The following SLC71A2 variants were observed in gnomAD, a reference collection of about 807,000 sequenced individuals.
SLC71A2 encodes the protein solute carrier family 71 member 2, also known as hippocampus abundant transcript-like 1.
the SLC71A2 span, among the ~76,000 whole-genome samples, chr9:94,405,194 T>C: frequency 6.6e-6 from 1 of 152,066 alleles, no homozygotes; most frequent in Non-Finnish European, 1.5e-5. Flanking sequence ...AGGCTTTTAA[T>C]TTATTTTTTT....
At chr9:94,396,842 C>T in the SLC71A2 span, among the ~76,000 whole-genome samples, 1 of 152,298 alleles carries the variant, frequency 6.6e-6, no homozygotes. Context: ...AGGATCTCGG[C>T]TTACCACAAC....
the SLC71A2 span, among the ~76,000 whole-genome samples, chr9:94,458,993 C>T: frequency 6.6e-6 from 1 of 152,134 alleles, no homozygotes; most frequent in South Asian, 2.1e-4. Context: ...TTGTCATATT[C>T]CAAACACCAA....
the SLC71A2 span, among the ~76,000 whole-genome samples, chr9:94,431,384 C>T: frequency 6.6e-6 from 1 of 151,114 alleles, no homozygotes; most frequent in Non-Finnish European, 1.5e-5. Flanking sequence ...TTTCATAGCT[C>T]TTAAAAAACA....
the SLC71A2 span, among the ~76,000 whole-genome samples, chr9:94,402,422 G>A: frequency 6.6e-6 from 1 of 151,808 alleles, no homozygotes; most frequent in Non-Finnish European, 1.5e-5. Context: ...ATATATTCAC[G>A]GTGATGTAGA....
the SLC71A2 span, among the ~76,000 whole-genome samples, chr9:94,429,909 A>AT: frequency 0.046 from 6,566 of 141,856 alleles, 205 homozygotes; most frequent in Middle Eastern, 0.089. Context: ...TCTTTATTTT[A>AT]TTTTTTTTTT....
At chr9:94,396,705 T>C in the SLC71A2 span, among the ~76,000 whole-genome samples, 211 of 152,362 alleles carry the variant, frequency 1.4e-3, 3 homozygotes, top group Admixed American at 0.014. Flanking sequence ...AGTGAAACTT[T>C]ATAAAAATAA....
chr9:94,448,772 A>G, the SLC71A2 span, among the ~76,000 whole-genome samples: 1 of 152,146 alleles, frequency 6.6e-6, no homozygotes, highest in African/African-American at 2.4e-5. Flanking sequence ...AGCTGGGATT[A>G]TCGGTATGCA....
At chr9:94,390,164 A>C in the SLC71A2 span, among the ~76,000 whole-genome samples, 1 of 152,006 alleles carries the variant, frequency 6.6e-6, no homozygotes, top group Non-Finnish European at 1.5e-5. Flanking sequence ...CAGTGAGCCG[A>C]GATCGCGCCA....
At chr9:94,442,755 CAGG>C in the SLC71A2 span, among the ~76,000 whole-genome samples, 1 of 151,602 alleles carries the variant, frequency 6.6e-6, no homozygotes, top group South Asian at 2.1e-4. Flanking sequence ...GAGGCTGAGG[CAGG>C]AGAATTGCTT....
At chr9:94,458,590 A>ATTGTG in the SLC71A2 span, 3 of 876,166 alleles carry the variant, frequency 3.4e-6, no homozygotes, top group Non-Finnish European at 5.5e-6. Flanking sequence ...AGCAATAAGT[A>ATTGTG]TTGTGTTCAT....
At chr9:94,402,987 A>G in the SLC71A2 span, among the ~76,000 whole-genome samples, 1 of 152,134 alleles carries the variant, frequency 6.6e-6, no homozygotes, top group Non-Finnish European at 1.5e-5. Context: ...GAATTTTTTC[A>G]TCATCCCAAA....
the SLC71A2 span, among the ~76,000 whole-genome samples, chr9:94,404,791 C>G: frequency 6.6e-6 from 1 of 152,094 alleles, no homozygotes; most frequent in African/African-American, 2.4e-5. Flanking sequence ...TGTAGATTGC[C>G]TTTTCACTGT....
the SLC71A2 span, among the ~76,000 whole-genome samples, chr9:94,456,817 G>T: frequency 6.6e-6 from 1 of 152,200 alleles, no homozygotes; most frequent in Non-Finnish European, 1.5e-5. Context: ...TGTTGAGTGA[G>T]AGATGAAATT....
At chr9:94,435,676 T>C in the SLC71A2 span, among the ~76,000 whole-genome samples, 3 of 127,560 alleles carry the variant, frequency 2.4e-5, no homozygotes, top group South Asian at 7.3e-4. Context: ...TTTTTTGAGA[T>C]GGAGTTTTGC....
At chr9:94,459,383 G>T in the SLC71A2 span, 36 of 1,614,016 alleles carry the variant, frequency 2.2e-5, no homozygotes, top group Non-Finnish European at 2.9e-5. Context: ...TTCATTTGAG[G>T]AGCCTGGGAA....
chr9:94,429,319 A>G, the SLC71A2 span: 2 of 1,505,614 alleles, frequency 1.3e-6, no homozygotes, highest in East Asian at 4.7e-5. Flanking sequence ...TTAACTCTGG[A>G]AGTTTTAGTG....
At chr9:94,447,400 G>A in the SLC71A2 span, among the ~76,000 whole-genome samples, 6 of 150,318 alleles carry the variant, frequency 4.0e-5, no homozygotes, top group African/African-American at 7.3e-5. Context: ...GGTTGGTCTC[G>A]AACTCCTGAC....
chr9:94,393,219 A>G, the SLC71A2 span, among the ~76,000 whole-genome samples: 1 of 97,490 alleles, frequency 1.0e-5, no homozygotes, highest in Middle Eastern at 4.1e-3. Flanking sequence ...TGGACAGCAG[A>G]TGACCTGATT....
At chr9:94,447,034 CAT>C in the SLC71A2 span, 15 of 658,110 alleles carry the variant, frequency 2.3e-5, no homozygotes, top group Non-Finnish European at 3.5e-5. Context: ...GAGGAAAAAA[CAT>C]GTGAACTTGC....
Sources: allele counts gnomAD v4.1 joint callset (sites outside exome capture counted in the v4.1 genomes callset), GRCh38; gene constraint gnomAD v4.1.1; transcripts MANE v1.5; gene names NCBI Gene and HGNC (gene_info 2026-07-23, HGNC 2026-07-21).